Variants in SMIM13 observed in about 807,000 individuals in gnomAD.
The protein encoded by SMIM13 is small integral membrane protein 13, also known as UPF0766 protein C6orf228.
Under a neutral mutation model 5.9 loss-of-function variants are expected in SMIM13, and 3 were observed. The observed-to-expected ratio is 0.51, with a 90% CI of 0.23 to 1.31. The LOEUF (loss-of-function observed/expected upper bound fraction) is 1.31. SMIM13 is among the 40% of genes most tolerant of loss of function. The pLI, the probability that SMIM13 is intolerant of heterozygous loss-of-function variation, is 0.18. For synonymous variants in SMIM13, 55 were observed against 46.0 expected, an observed-to-expected ratio of 1.19 and a Z score of -0.79; for missense variants, 85 against 109.9, an observed-to-expected ratio of 0.77 and a Z score of 1.01.
intron 1 of SMIM13, among the ~76,000 whole-genome samples, chr6:11,114,537 T>C (rs73445479): frequency 0.21 from 28,568 of 138,600 alleles, 3,364 homozygotes; most frequent in African/African-American, 0.3. Flanking sequence ...GGAGTGGATA[T>C]TGGATTTTTT....
rs183808114 is a variant in SMIM13 at position 11,128,264 on chromosome 6, A to G, written c.77-6139A>G. 2.6e-4 allele frequency among the ~76,000 whole-genome samples: 40 copies of G among 152,168 alleles called. No homozygotes were observed. The East Asian group carries it at 6.6e-3, about 25-fold the overall frequency. On this transcript the variant is annotated intron_variant, in intron 1 of 1. Transcript: ENST00000416247. The stretch of plus-strand genomic sequence containing the variant: ...CATCCTGCTAGGACTGGGTCTTTCC[A>G]TTCAAGGCAGCAGGTTCCTATCTGG...
intron 1 of SMIM13, among the ~76,000 whole-genome samples, chr6:11,098,763 G>C (rs1757956237): frequency 6.6e-6 from 1 of 152,114 alleles, no homozygotes; most frequent in African/African-American, 2.4e-5. Flanking sequence ...TTTATATACT[G>C]TATTTCCATG....
chr6:11,095,231 C>G (rs970470450), intron 1 of SMIM13, among the ~76,000 whole-genome samples: 1 of 152,184 alleles, frequency 6.6e-6, no homozygotes, highest in African/African-American at 2.4e-5. Flanking sequence ...CATACAGATA[C>G]TATAGGGCTT....
intron 1 of SMIM13, among the ~76,000 whole-genome samples, chr6:11,111,485 G>A (rs1356605411): frequency 6.6e-6 from 1 of 152,182 alleles, no homozygotes; most frequent in Non-Finnish European, 1.5e-5. Context: ...CAGACTCCAA[G>A]GTCCTTCCCA....
intron 1 of SMIM13, among the ~76,000 whole-genome samples, chr6:11,120,874 A>G (rs1211014766): frequency 6.6e-6 from 1 of 152,136 alleles, no homozygotes; most frequent in East Asian, 1.9e-4. Flanking sequence ...TGAACTGATA[A>G]CTGTGTAATT....
At chr6:11,094,470 T>G in intron 1 of SMIM13, 81 bp downstream of exon 1, 1 of 1,204,572 alleles carries the variant, frequency 8.3e-7, no homozygotes, top group South Asian at 1.3e-5. Context: ...GTTTGTTTTT[T>G]TGAAAAAAAC....
chr6:11,136,759 A>G lies in SMIM13; in HGVS notation c.*2157A>G, dbSNP rs1758521619. 6.6e-6 allele frequency: 1 copy of G among 152,082 alleles called. No individual in the cohort carries two copies. The highest frequency in any genetic ancestry group is 1.5e-5 in the Non-Finnish European group (1 of 68,004). 9.4% of individuals were successfully genotyped at this position (152,082 alleles called of 1,614,324 possible). A position where few individuals can be genotyped will look rare whatever the true frequency, so the allele number is the denominator to read the frequency against. On this transcript the variant is annotated 3_prime_UTR_variant, in exon 2 of 2. Transcript: ENST00000416247. ...CTCTAGGGCATAACAAAACAGTGACAGTTTCAAGCGTTAATTTTAATGCTT... is the reference window on the plus strand; with the variant it reads ...CTCTAGGGCATAACAAAACAGTGACGGTTTCAAGCGTTAATTTTAATGCTT...
intron 1 of SMIM13, among the ~76,000 whole-genome samples, chr6:11,114,643 G>C (rs1297943007): frequency 7.7e-6 from 1 of 130,122 alleles, no homozygotes; most frequent in African/African-American, 3.1e-5. Flanking sequence ...CTGTCGCCCA[G>C]GCTGGAATGT....
intron 1 of SMIM13, among the ~76,000 whole-genome samples, chr6:11,099,323 C>T (rs142833709): frequency 4.7e-4 from 72 of 152,146 alleles, no homozygotes; most frequent in South Asian, 1.9e-3. Context: ...TATAGGCGCC[C>T]GCCACCACAC....
rs181186525 is a variant in SMIM13 at position 11,095,590 on chromosome 6, G to T, written c.76+1201G>T. ...TGGTCTTGAACTCCTGACCTCATGT[G>T]ATCTACCCGCCTTGGCCTCCCAAAG... On this transcript the variant is annotated intron_variant, in intron 1 of 1. Transcript: ENST00000416247. Among the ~76,000 whole-genome samples the T allele has an allele frequency of 5.9e-5, 9 of 152,290 alleles. No homozygotes were observed. In the East Asian group the frequency reaches 1.7e-3, roughly 29 times the overall value.
At chr6:11,098,941 C>T (rs561462292) in intron 1 of SMIM13, among the ~76,000 whole-genome samples, 5 of 152,288 alleles carry the variant, frequency 3.3e-5, no homozygotes, top group South Asian at 4.1e-4. Flanking sequence ...TACTTATCAT[C>T]GATCTCTGAA....
chr6:11,117,165 A>ATTTTTTT, intron 1 of SMIM13, among the ~76,000 whole-genome samples: 1 of 69,012 alleles, frequency 1.4e-5, no homozygotes, highest in African/African-American at 5.4e-5. Context: ...TAATTTTTGT[A>ATTTTTTT]TTTTTTTTTT....
chr6:11,114,003 G>A (rs1328287568), intron 1 of SMIM13, among the ~76,000 whole-genome samples: 3 of 146,684 alleles, frequency 2.0e-5, no homozygotes, highest in South Asian at 2.1e-4. Flanking sequence ...TTTTTGAGAC[G>A]GAATCTCACT....
Position 11,104,399 on chromosome 6 carries a change from C to T in SMIM13, c.76+10010C>T, listed in dbSNP as rs558909693. On this transcript the variant is annotated intron_variant, in intron 1 of 1. Transcript: ENST00000416247. Reference sequence around the variant, plus strand: ...AGTTACTGGGGAGGCATTGGTGAATCGACTGGCCACAAATATAAAAGGCTC... The same window carrying T: ...AGTTACTGGGGAGGCATTGGTGAATTGACTGGCCACAAATATAAAAGGCTC... 2.1e-4 allele frequency: 326 copies of T among 1,551,548 alleles called. 9 individuals carry two copies. In the South Asian group the frequency reaches 3.4e-3, roughly 16 times the overall value.
At chr6:11,111,141 G>T (rs1335114962) in intron 1 of SMIM13, among the ~76,000 whole-genome samples, 1 of 152,190 alleles carries the variant, frequency 6.6e-6, no homozygotes, top group Non-Finnish European at 1.5e-5. Context: ...TCCATCTCTT[G>T]GTTGCCAGGC....
chr6:11,098,996 A>G (rs1337308943), intron 1 of SMIM13, among the ~76,000 whole-genome samples: 1 of 152,228 alleles, frequency 6.6e-6, no homozygotes, highest in Non-Finnish European at 1.5e-5. Flanking sequence ...CCCTTACTGT[A>G]TGAGAAGATT....
chr6:11,105,092 A>G, intron 1 of SMIM13: 1 of 1,614,190 alleles, frequency 6.2e-7, no homozygotes, highest in Non-Finnish European at 8.5e-7. Flanking sequence ...GATAGGAAAT[A>G]TGTAATTCCG....
chr6:11,126,812 T>C (rs1237236250), intron 1 of SMIM13, among the ~76,000 whole-genome samples: 1 of 152,202 alleles, frequency 6.6e-6, no homozygotes, highest in Non-Finnish European at 1.5e-5. Context: ...CATTGTGACC[T>C]AAGTCTTTGT....
At chr6:11,103,976 T>C in intron 1 of SMIM13, 1 of 1,551,728 alleles carries the variant, frequency 6.4e-7, no homozygotes, top group East Asian at 2.4e-5. Context: ...GTACTTTTCC[T>C]GATTGATTTA....
Sources: allele counts gnomAD v4.1 joint callset (sites outside exome capture counted in the v4.1 genomes callset), GRCh38; gene constraint gnomAD v4.1.1; transcripts MANE v1.5; gene names NCBI Gene and HGNC (gene_info 2026-07-23, HGNC 2026-07-21).